The following PNRC2 variants were observed in gnomAD, a reference collection of about 807,000 sequenced individuals.
The protein encoded by PNRC2 is proline rich nuclear receptor coactivator 2, also known as proline-rich nuclear receptor coactivator 2.
Under a neutral mutation model 12.2 loss-of-function variants are expected in PNRC2, and 2 were observed. The ratio of observed to expected loss-of-function variants is 0.16; its 90% confidence interval spans 0.07 to 0.52. The LOEUF (loss-of-function observed/expected upper bound fraction) is 0.52, where lower values mean the gene tolerates loss of function less well. PNRC2 is among the 20% of genes least tolerant of loss of function. The pLI, the probability that PNRC2 is intolerant of heterozygous loss-of-function variation, is 0.95. For missense variants in PNRC2, 115 were observed against 158.4 expected, an observed-to-expected ratio of 0.73 and a Z score of 1.47; for synonymous variants, 44 against 53.9, an observed-to-expected ratio of 0.82 and a Z score of 0.80.
chr1:23,960,882 T>C, intron 1 of PNRC2, 47 bp from the exon 2 acceptor site: 1 of 398,064 alleles, frequency 2.5e-6, no homozygotes, highest in Non-Finnish European at 4.4e-6. Flanking sequence ...AAATGATCAC[T>C]TTCTCAACGT....
In PNRC2 at chr1:23,963,425, T is replaced by C. The variant is rs1570752747; in HGVS notation, c.*1548T>C. The C allele has an allele frequency of 1.2e-5, 2 of 166,136 alleles. No individual in the cohort carries two copies. The highest frequency in any genetic ancestry group is 3.9e-4 in the East Asian group (2 of 5,192). 10.3% of individuals were successfully genotyped at this position (166,136 alleles called of 1,614,324 possible). ...TATGAATGTGAAGCATAAAATTAAATAAAATTTTTCCCCATTGGCTTGGTT... is the reference window on the plus strand; with the variant it reads ...TATGAATGTGAAGCATAAAATTAAACAAAATTTTTCCCCATTGGCTTGGTT... On this transcript the variant is annotated 3_prime_UTR_variant, in exon 3 of 3. Coordinates refer to ENST00000334351, the MANE Select transcript of PNRC2 (RefSeq NM_017761.4).
At chr1:23,959,629 C>A (rs2148486981), upstream of PNRC2, among the ~76,000 whole-genome samples, 1 of 152,258 alleles carries the variant, frequency 6.6e-6, no homozygotes, top group East Asian at 1.9e-4. Context: ...ACCGGTGGAC[C>A]GAGCAGTTAC....
rs2148487990 is a variant in PNRC2 at position 23,962,007 on chromosome 1, C to T, written c.*130C>T. 2 of 619,378 alleles carry T rather than the reference C, an allele frequency of 3.2e-6. No individual in the cohort carries two copies. Among genetic ancestry groups the T allele is most frequent in the Non-Finnish European group, 5.8e-6 (2 of 346,880 alleles). 38.4% of individuals were successfully genotyped at this position (619,378 alleles called of 1,614,324 possible). On this transcript the variant is annotated 3_prime_UTR_variant, in exon 3 of 3. Coordinates refer to ENST00000334351, the MANE Select transcript of PNRC2 (RefSeq NM_017761.4). ...AAAATAGACCATCTCGTGTTGTGTG[C>T]ACTGTGATATAATGGTAGTATCAGT...
At position 23,962,334 on chromosome 1, in the gene PNRC2, GTAA is replaced by G. The variant is rs1180762183; in HGVS notation, c.*462_*464del. 5.9e-6 allele frequency: 1 copy of G among 170,208 alleles called. No homozygotes were observed. The highest frequency in any genetic ancestry group is 1.4e-5 in the Non-Finnish European group (1 of 70,124). 10.5% of individuals were successfully genotyped at this position (170,208 alleles called of 1,614,324 possible). A position where few individuals can be genotyped will look rare whatever the true frequency, so the allele number is the denominator to read the frequency against. On this transcript the variant is annotated 3_prime_UTR_variant, in exon 3 of 3. Coordinates refer to ENST00000334351, the MANE Select transcript of PNRC2 (RefSeq NM_017761.4). ...TGCTGAAAGAAAATGTGAATTTTTCGTAATAATTGCATTTTAGTGAATTGTACA... is the reference window on the plus strand; with the variant it reads ...TGCTGAAAGAAAATGTGAATTTTTCGTAATTGCATTTTAGTGAATTGTACA...
At chr1:23,959,803 C>T (rs1370696915), upstream of PNRC2, 3 of 152,322 alleles carry the variant, frequency 2.0e-5, no homozygotes, top group Admixed American at 6.5e-5. Flanking sequence ...GGCCCTGCTT[C>T]TGCAGTCGCT....
upstream of PNRC2, chr1:23,959,757 C>G (rs1641241087): frequency 6.6e-6 from 1 of 152,536 alleles, no homozygotes; most frequent in African/African-American, 2.4e-5. Context: ...TGGCCAGGCC[C>G]GCGCTGTCGT....
chr1:23,960,964 T>G lies in PNRC2; in HGVS notation c.-189T>G, dbSNP rs1311681427. ...TCTCAAACTTGTGTGCTGAGGAGACTCAGATGTTGGCCTCAGCTCCTAGGC... is the reference window on the plus strand; with the variant it reads ...TCTCAAACTTGTGTGCTGAGGAGACGCAGATGTTGGCCTCAGCTCCTAGGC... On this transcript the variant is annotated 5_prime_UTR_variant, in exon 2 of 3. Coordinates refer to ENST00000334351, the MANE Select transcript of PNRC2 (RefSeq NM_017761.4). The G allele has an allele frequency of 2.5e-6, 1 of 399,598 alleles. No individual in the cohort carries two copies. The highest frequency in any genetic ancestry group is 2.1e-5 in the African/African-American group (1 of 48,744). 24.8% of individuals were successfully genotyped at this position (399,598 alleles called of 1,614,324 possible).
At chr1:23,959,645 G>A (rs910055931), upstream of PNRC2, among the ~76,000 whole-genome samples, 12 of 152,174 alleles carry the variant, frequency 7.9e-5, no homozygotes, top group Admixed American at 6.5e-5. Flanking sequence ...GTTACTCCCG[G>A]CATGCTCCTC....
Position 23,962,108 on chromosome 1 carries a change from A to G in PNRC2, c.*231A>G, listed in dbSNP as rs1275454075. Reference sequence around the variant, plus strand: ...ACTTTTAAGTGGAAACCAAGTTTAGATTTGGGGAGTGGTAAAGGAATCAGC... The same window carrying G: ...ACTTTTAAGTGGAAACCAAGTTTAGGTTTGGGGAGTGGTAAAGGAATCAGC... On this transcript the variant is annotated 3_prime_UTR_variant, in exon 3 of 3. Transcript: ENST00000334351. The G allele has an allele frequency of 1.8e-5, 7 of 384,970 alleles. No individual in the cohort carries two copies. The highest frequency in any genetic ancestry group is 4.1e-5 in the African/African-American group (2 of 48,456). 23.8% of individuals were successfully genotyped at this position (384,970 alleles called of 1,614,324 possible).
In PNRC2 at chr1:23,961,668, A is replaced by G; in HGVS notation, c.211A>G (p.Asn71Asp). The G allele has an allele frequency of 6.2e-7, 1 of 1,613,936 alleles. No homozygotes were observed. Among genetic ancestry groups the G allele is most frequent in the East Asian group, 2.2e-5 (1 of 44,890 alleles). ...GGGGAAGAACAAAAATTTTCCAAAT[A>G]ATCAAAGTTGGAATTCTAGCTTATC... ...NGGKNKNFPN[N>D]QSWNSSLSGP... Residue 71 changes from asparagine (N) to aspartate (D), a missense_variant, in exon 3 of 3, where the codon AAT becomes GAT. Physicochemically the swap from Asn to Asp is conservative, Grantham distance 23 (BLOSUM62 1). Transcript: ENST00000334351.
intron 1 of PNRC2, 43 bp downstream of exon 1, chr1:23,960,041 G>C (rs1641246133): frequency 6.6e-6 from 1 of 152,240 alleles, no homozygotes; most frequent in Non-Finnish European, 1.5e-5. Context: ...GTTGGTGGCC[G>C]CGCTCCCCAT....
Position 23,961,664 on chromosome 1 carries a change from AAAT to A in PNRC2, c.211_213del (p.Asn71del). On this transcript the variant is annotated inframe_deletion, in exon 3 of 3. Transcript: ENST00000334351. The stretch of plus-strand genomic sequence containing the variant: ...ATGGGGGGAAGAACAAAAATTTTCC[AAAT>A]AATCAAAGTTGGAATTCTAGCTTAT... The A allele has an allele frequency of 6.2e-7, 1 of 1,613,982 alleles. No homozygotes were observed. Among genetic ancestry groups the A allele is most frequent in the South Asian group, 1.1e-5 (1 of 91,078 alleles).
rs1641313207 is a variant in PNRC2, at chr1:23,963,140, G to A, written c.*1263G>A. Reference sequence around the variant, plus strand: ...CCAATGGACCACTTATGCAAAAGATGTAAACTCTTGCATAATACATTGATA... The same window carrying A: ...CCAATGGACCACTTATGCAAAAGATATAAACTCTTGCATAATACATTGATA... On this transcript the variant is annotated 3_prime_UTR_variant, in exon 3 of 3. Coordinates refer to ENST00000334351, the MANE Select transcript of PNRC2 (RefSeq NM_017761.4). The A allele has an allele frequency of 6.0e-6, 1 of 166,978 alleles. No individual in the cohort carries two copies. The highest frequency in any genetic ancestry group is 2.4e-5 in the African/African-American group (1 of 41,432). 10.3% of individuals were successfully genotyped at this position (166,978 alleles called of 1,614,324 possible).
Position 23,961,015 on chromosome 1 carries a change from A to T in PNRC2, c.-138A>T. 1 of 402,180 alleles carries T rather than the reference A, an allele frequency of 2.5e-6. No individual in the cohort carries two copies. The highest frequency in any genetic ancestry group is 4.4e-6 in the Non-Finnish European group (1 of 228,012). The allele number at this position is 402,180 out of a possible 1,614,324, so 24.9% of individuals were successfully genotyped here. On this transcript the variant is annotated 5_prime_UTR_variant, in exon 2 of 3. Coordinates refer to ENST00000334351, the MANE Select transcript of PNRC2 (RefSeq NM_017761.4). ...TGAACTCAGCAGATCGGCCCATGAAAACTTCTGTATTGAGACAAAGGAAGG... is the reference window on the plus strand; with the variant it reads ...TGAACTCAGCAGATCGGCCCATGAATACTTCTGTATTGAGACAAAGGAAGG...
In PNRC2 at chr1:23,962,567, G is replaced by C. The variant is rs1043880; in HGVS notation, c.*690G>C. The C allele has an allele frequency of 0.39, 65,148 of 166,834 alleles. 13,010 individuals carry two copies. The highest frequency in any genetic ancestry group is 0.59 in the South Asian group (2,859 of 4,824). 10.3% of individuals were successfully genotyped at this position (166,834 alleles called of 1,614,324 possible). On this transcript the variant is annotated 3_prime_UTR_variant, in exon 3 of 3. Coordinates refer to ENST00000334351, the MANE Select transcript of PNRC2 (RefSeq NM_017761.4). ...GCACAAGCTATTCTAATAGTGCTCT[G>C]GCCTCATCATTCCTGCAAAGCTTGC...
rs1353307707 is a variant in PNRC2, at chr1:23,962,647, G to A, written c.*770G>A. 2 of 167,050 alleles carry A rather than the reference G, an allele frequency of 1.2e-5. No homozygotes were observed. The highest frequency in any genetic ancestry group is 4.8e-5 in the African/African-American group (2 of 41,440). 10.3% of individuals were successfully genotyped at this position (167,050 alleles called of 1,614,324 possible). A position where few individuals can be genotyped will look rare whatever the true frequency, so the allele number is the denominator to read the frequency against. The stretch of plus-strand genomic sequence containing the variant: ...AAGTACCTAGGGGAGAAAGAGCCAT[G>A]TAAATATCTGTAATAAACTTGTAGC... On this transcript the variant is annotated 3_prime_UTR_variant, in exon 3 of 3. Transcript: ENST00000334351.
chr1:23,960,889 A>C (rs1422656055), intron 1 of PNRC2, 40 bp from the exon 2 acceptor site: 1 of 398,080 alleles, frequency 2.5e-6, no homozygotes, highest in African/African-American at 2.1e-5. Context: ...CACTTTCTCA[A>C]CGTGTTTTTG....
rs1641283802 is a variant in PNRC2 at position 23,961,833 on chromosome 1, A to C, written c.376A>C (p.Ile126Leu). 6.3e-7 allele frequency: 1 copy of C among 1,593,234 alleles called. No individual in the cohort carries two copies. Among genetic ancestry groups the C allele is most frequent in the Non-Finnish European group, 8.6e-7 (1 of 1,165,106 alleles). ...PVSFNPSDKE[I>L]MTFQLKTLLK... ...TTCCTTTAATCCTTCAGATAAGGAA[A>C]TAATGACATTTCAACTTAAAACCTT... is the stretch of plus-strand genomic sequence containing the variant. The change falls in exon 3 of 3, where the codon ATA becomes CTA. Residue 126 changes from isoleucine to leucine, a missense_variant. Ile to Leu is a conservative substitution (Grantham distance 5, BLOSUM62 2). Around this residue, in one of 2 missense-constraint regions of PNRC2, gnomAD observed 17 missense variants for 46.0 expected, o/e 0.37. Coordinates refer to ENST00000334351, the MANE Select transcript of PNRC2 (RefSeq NM_017761.4).
rs1176597180 is a variant in PNRC2, at chr1:23,962,793, CTTG to C, written c.*919_*921del. The C allele has an allele frequency of 1.8e-5, 3 of 166,770 alleles. No individual in the cohort carries two copies. The highest frequency in any genetic ancestry group is 7.3e-5 in the African/African-American group (3 of 41,322). 10.3% of individuals were successfully genotyped at this position (166,770 alleles called of 1,614,324 possible). A position where few individuals can be genotyped will look rare whatever the true frequency, so the allele number is the denominator to read the frequency against. ...GCCTAATTTTAAAGGTCCAAAATAA[CTTG>C]TTTTTAAAGTTTGCCCTTGTGCTAA... is the stretch of plus-strand genomic sequence containing the variant. On this transcript the variant is annotated 3_prime_UTR_variant, in exon 3 of 3. Coordinates refer to ENST00000334351, the MANE Select transcript of PNRC2 (RefSeq NM_017761.4).
Sources: gnomAD v4.1 joint callset for allele counts (sites outside exome capture counted in the v4.1 genomes callset) on GRCh38, gnomAD v4.1.1 for gene constraint, gnomAD v4.1.1 regional missense constraint, MANE v1.5 for transcripts, NCBI Gene and HGNC (gene_info 2026-07-23, HGNC 2026-07-21) for gene names.